Variants in EPB42 observed in about 807,000 individuals in gnomAD.
EPB42 encodes protein 4.2.
In EPB42, 49 loss-of-function variants were observed where a neutral mutation model predicts 76.9. The observed-to-expected ratio is 0.64, with a 90% CI of 0.51 to 0.81. The LOEUF (loss-of-function observed/expected upper bound fraction) is 0.81. EPB42 is among the 30% of genes least tolerant of loss of function. The pLI is 0.00. For synonymous variants in EPB42, 310 were observed against 338.4 expected, an observed-to-expected ratio of 0.92 and a Z score of 0.92; for missense variants, 731 against 867.6, an observed-to-expected ratio of 0.84 and a Z score of 1.98.
chr15:43,203,181 A>G lies in EPB42; in HGVS notation c.1713T>C (p.Ser571=), dbSNP rs1283043249. 5 of 1,613,894 alleles carry G rather than the reference A, an allele frequency of 3.1e-6. No homozygotes were observed. The highest frequency in any genetic ancestry group is 4.2e-6 in the Non-Finnish European group (5 of 1,179,990). ...GAGCAAAGCAGCTAAGGTTGGATTC[A>G]GAGTGTGTTGCCATGGCGGTGAGTC... ...FLRLTAMATH[S]ESNLSCFAQE... is the part of the protein sequence containing the mutation. Residue 571 remains serine (S), a synonymous_variant, in exon 11 of 13, where the codon TCT becomes TCC. Transcript: ENST00000441366.
In EPB42 at chr15:43,203,194, A is replaced by G; in HGVS notation, c.1700T>C (p.Met567Thr). 1 of 1,614,034 alleles carries G rather than the reference A, an allele frequency of 6.2e-7. No homozygotes were observed. Among genetic ancestry groups the G allele is most frequent in the South Asian group, 1.1e-5 (1 of 91,052 alleles). The change falls in exon 11 of 13, where the codon ATG (methionine) becomes ACG (threonine). Residue 567 changes from methionine (M) to threonine (T), a missense_variant. Met to Thr is a moderately conservative substitution (Grantham distance 81). Transcript: ENST00000441366. ...AAGGTTGGATTCAGAGTGTGTTGCC[A>G]TGGCGGTGAGTCTAAGGAAGGTGTT... ...PENTFLRLTA[M>T]ATHSESNLSC...
rs375433672 is a variant in EPB42 at position 43,208,646 on chromosome 15, C to A, written c.962G>T (p.Gly321Val). 9 of 1,614,028 alleles carry A rather than the reference C, an allele frequency of 5.6e-6. No individual in the cohort carries two copies. The African/African-American group carries it at 1.1e-4, about 19-fold the overall frequency. ...CCCTTGGGCTTCTCACCAGATTCTGCCTCTCTGGCCTTCTCCGTTCTGAAG... is the reference window on the plus strand; with the variant it reads ...CCCTTGGGCTTCTCACCAGATTCTGACTCTCTGGCCTTCTCCGTTCTGAAG... Reference protein sequence around the residue: ...EGLQNGEGQRGRIWIFQTSTE... With the variant: ...EGLQNGEGQRVRIWIFQTSTE... The change falls in exon 7 of 13, where the codon GGC (glycine) becomes GTC (valine). Residue 321 changes from glycine to valine, a missense_variant. Coordinates refer to ENST00000441366, the MANE Select transcript of EPB42 (RefSeq NM_001114134.2).
rs1242140194 is a variant in EPB42, at chr15:43,197,254, A to G, written c.*48T>C. 1 of 1,612,730 alleles carries G rather than the reference A, an allele frequency of 6.2e-7. No homozygotes were observed. Among genetic ancestry groups the G allele is most frequent in the Non-Finnish European group, 8.5e-7 (1 of 1,179,016 alleles). On this transcript the variant is annotated 3_prime_UTR_variant, in exon 13 of 13. Coordinates refer to ENST00000441366, the MANE Select transcript of EPB42 (RefSeq NM_001114134.2). ...TCTCTTCCTAGCACATGTTTGGTTT[A>G]GATTGTAGAACAAGGGTTGGCAGGA...
intron 9 of EPB42, 99 bp downstream of exon 9, chr15:43,207,100 A>G: frequency 1.9e-6 from 3 of 1,563,660 alleles, no homozygotes; most frequent in Non-Finnish European, 1.7e-6. Context: ...TGATGCGGAA[A>G]GGACAAGTCT....
At chr15:43,204,166 A>G (rs2142271184) in intron 10 of EPB42, among the ~76,000 whole-genome samples, 1 of 152,266 alleles carries the variant, frequency 6.6e-6, no homozygotes, top group African/African-American at 2.4e-5. Context: ...CACCTTCCCA[A>G]CGCAATTGGC....
Position 43,197,353 on chromosome 15 carries a change from G to A in EPB42, c.2025C>T (p.Asn675=), listed in dbSNP as rs756919807. 1.2e-6 allele frequency: 2 copies of A among 1,614,192 alleles called. No homozygotes were observed. Among genetic ancestry groups the A allele is most frequent in the Non-Finnish European group, 1.7e-6 (2 of 1,180,032 alleles). ...TVEVDCNMFQ[N]LTNYKSVTVV... ...CGGTGACGCTTTTATAGTTGGTTAG[G>A]TTCTGGAACATGTTGCAGTCCACTT... The change falls in exon 13 of 13, where the codon AAC becomes AAT. Residue 675 remains asparagine (N), a synonymous_variant. Transcript: ENST00000441366.
rs371239571 is a variant in EPB42 at position 43,197,475 on chromosome 15, G to A, written c.1914-11C>T. ...CACACTGAACGGAATCTGAAATAAA[G>A]GAAAAGGCAGGTGCTAGTTCTGTCC... On this transcript the variant is annotated splice_polypyrimidine_tract_variant and intron_variant, in intron 12 of 12. Coordinates refer to ENST00000441366, the MANE Select transcript of EPB42 (RefSeq NM_001114134.2). 24 of 1,613,644 alleles carry A rather than the reference G, an allele frequency of 1.5e-5. No homozygotes were observed. The highest frequency in any genetic ancestry group is 1.2e-4 in the African/African-American group (9 of 74,910).
rs531541574 is a variant in EPB42 at position 43,219,926 on chromosome 15, CAG to C, written c.10+888_10+889del. ...GCGCCACTGAACTCTAGCCTGGTGA[CAG>C]AGAGAGACTCCGTTTAAAAAAAAAA... On this transcript the variant is annotated intron_variant, in intron 1 of 12. Transcript: ENST00000441366. Among the ~76,000 whole-genome samples the C allele has an allele frequency of 2.0e-3, 288 of 146,110 alleles. 1 individual carries two copies. Among genetic ancestry groups the C allele is most frequent in the African/African-American group, 7.1e-3 (279 of 39,324 alleles).
rs201441200 is a variant in EPB42 at position 43,203,126 on chromosome 15, G to A, written c.1768C>T (p.Leu590Phe). The A allele has an allele frequency of 5.0e-6, 8 of 1,614,092 alleles. No homozygotes were observed. The Middle Eastern group carries it at 5.0e-4, about 100-fold the overall frequency. ...GGACTGGTGCCTACCTTGATGGCAAGGTGTGGTCTACAAATGGCAATGTCT... is the reference window on the plus strand; with the variant it reads ...GGACTGGTGCCTACCTTGATGGCAAAGTGTGGTCTACAAATGGCAATGTCT... ...QEDIAICRPH[L>F]AIKMPEKAEQ... Residue 590 changes from leucine (L) to phenylalanine (F), a missense_variant, in exon 11 of 13, where the codon CTT (leucine) becomes TTT (phenylalanine). Leu to Phe is a conservative substitution (Grantham distance 22). Transcript: ENST00000441366.
At chr15:43,222,003 C>T (rs1182614704), upstream of EPB42, among the ~76,000 whole-genome samples, 7 of 151,740 alleles carry the variant, frequency 4.6e-5, no homozygotes, top group Non-Finnish European at 7.4e-5. Flanking sequence ...ATTAGCTGGG[C>T]GTGGTGGCAG....
intron 4 of EPB42, among the ~76,000 whole-genome samples, 191 bp downstream of exon 4, chr15:43,211,225 A>T (rs1179363086): frequency 6.6e-6 from 1 of 152,050 alleles, no homozygotes; most frequent in Non-Finnish European, 1.5e-5. Flanking sequence ...TTTTAAGGAA[A>T]ATAATTCTGG....
At chr15:43,204,877 G>A (rs1198287910) in intron 10 of EPB42, among the ~76,000 whole-genome samples, 4 of 151,654 alleles carry the variant, frequency 2.6e-5, no homozygotes, top group East Asian at 1.9e-4. Flanking sequence ...AGACTCTGGC[G>A]ATGAAGCCCA....
chr15:43,223,348 G>A (rs570435060), upstream of EPB42, among the ~76,000 whole-genome samples: 2 of 152,160 alleles, frequency 1.3e-5, no homozygotes, highest in South Asian at 4.2e-4. Flanking sequence ...TATGCAACAA[G>A]TTGGGTAAAA....
intron 12 of EPB42, among the ~76,000 whole-genome samples, chr15:43,200,153 T>C (rs2042105217): frequency 1.3e-5 from 2 of 152,194 alleles, no homozygotes; most frequent in Non-Finnish European, 2.9e-5. Flanking sequence ...CTGGCCTGCC[T>C]ATAAACCTTC....
At position 43,203,290 on chromosome 15, in the gene EPB42, A is replaced by G; in HGVS notation, c.1619-15T>C. On this transcript the variant is annotated splice_polypyrimidine_tract_variant and intron_variant, in intron 10 of 12. Coordinates refer to ENST00000441366, the MANE Select transcript of EPB42 (RefSeq NM_001114134.2). ...TATTATCTTTTCTGAAACACATGAC[A>G]GGTGGAGTCAGTGGCAACAGGTGTA... The G allele has an allele frequency of 6.2e-7, 1 of 1,614,182 alleles. No homozygotes were observed. The highest frequency in any genetic ancestry group is 8.5e-7 in the Non-Finnish European group (1 of 1,180,034).
chr15:43,203,289 C>T lies in EPB42; in HGVS notation c.1619-14G>A, dbSNP rs2042154763. On this transcript the variant is annotated splice_polypyrimidine_tract_variant and intron_variant, in intron 10 of 12. Transcript: ENST00000441366. ...TTATTATCTTTTCTGAAACACATGA[C>T]AGGTGGAGTCAGTGGCAACAGGTGT... The T allele has an allele frequency of 6.2e-7, 1 of 1,613,982 alleles. No homozygotes were observed. The highest frequency in any genetic ancestry group is 1.7e-5 in the Admixed American group (1 of 59,990).
At chr15:43,223,959 C>T (rs1046007065), upstream of EPB42, among the ~76,000 whole-genome samples, 2 of 151,970 alleles carry the variant, frequency 1.3e-5, no homozygotes, top group Admixed American at 6.6e-5. Context: ...GACAACAGAG[C>T]AAGACATTGT....
At chr15:43,211,795 G>A (rs2042301870) in intron 3 of EPB42, among the ~76,000 whole-genome samples, 1 of 152,228 alleles carries the variant, frequency 6.6e-6, no homozygotes, top group African/African-American at 2.4e-5. Context: ...CTGGCCAGGT[G>A]CAGTGGCTCA....
chr15:43,199,103 C>G (rs1287616868), intron 12 of EPB42, among the ~76,000 whole-genome samples: 1 of 152,224 alleles, frequency 6.6e-6, no homozygotes, highest in African/African-American at 2.4e-5. Flanking sequence ...AATATGGGGT[C>G]AGAGCCCCCA....
Sources: gnomAD v4.1 joint callset for allele counts (sites outside exome capture counted in the v4.1 genomes callset) on GRCh38, gnomAD v4.1.1 for gene constraint, MANE v1.5 for transcripts, NCBI Gene and HGNC (gene_info 2026-07-23, HGNC 2026-07-21) for gene names.